ADRA1D: variants seen among roughly 807,000 people sequenced by gnomAD.
ADRA1D encodes the protein adrenoceptor alpha 1D.
Under a neutral mutation model 18.6 loss-of-function variants are expected in ADRA1D, and 22 were observed. The observed-to-expected ratio is 1.19, with a 90% CI of 0.85 to 1.69. The LOEUF is 1.69. Ranked by LOEUF, ADRA1D falls within the 40% of genes most tolerant of loss-of-function variation. The probability of loss-of-function intolerance (pLI) is 0.00; values close to 1 mark genes in which losing one functional copy is unlikely to be tolerated. For synonymous variants in ADRA1D, 376 were observed against 388.2 expected, an observed-to-expected ratio of 0.97 and a Z score of 0.37; for missense variants, 840 against 840.7, an observed-to-expected ratio of 1.00 and a Z score of 0.01.
At position 4,248,305 on chromosome 20, in the gene ADRA1D, G is replaced by A. The variant is rs199658642; in HGVS notation, c.653C>T (p.Ala218Val). ...MTERKAAAIL[A>V]LLWVVALVVS... ...CACCAGGGCTACGACCCAGAGCAGG[G>A]CCAGGATGGCGGCCGCCTTGCGCTC... Residue 218 changes from alanine (A) to valine (V), a missense_variant, in exon 1 of 2, where the codon GCC becomes GTC. Coordinates refer to ENST00000379453, the MANE Select transcript of ADRA1D (RefSeq NM_000678.4). 8.7e-6 allele frequency: 14 copies of A among 1,607,444 alleles called. No homozygotes were observed. The highest frequency in any genetic ancestry group is 5.1e-5 in the Admixed American group (3 of 59,028).
chr20:4,222,050 T>C lies in ADRA1D; in HGVS notation c.1192A>G (p.Asn398Asp). 6.2e-7 allele frequency: 1 copy of C among 1,612,034 alleles called. No homozygotes were observed. Among genetic ancestry groups the C allele is most frequent in the Non-Finnish European group, 8.5e-7 (1 of 1,179,216 alleles). ...FWLGYFNSCV[N>D]PLIYPCSSRE... ...CTGGAACAGGGGTAGATGAGCGGGT[T>C]CACGCAGCTGTTGAAGTAGCCGAGC... The change falls in exon 2 of 2, where the codon AAC becomes GAC. Residue 398 changes from asparagine to aspartate, a missense_variant. Transcript: ENST00000379453. The surrounding 1 kb of genome is among the most constrained non-coding windows in gnomAD (Gnocchi z 4.3).
Position 4,232,921 on chromosome 20 carries a change from A to G in ADRA1D, c.1112-10791T>C, listed in dbSNP as rs550000641. 2.6e-5 allele frequency among the ~76,000 whole-genome samples: 4 copies of G among 152,294 alleles called. No homozygotes were observed. In the South Asian group the frequency reaches 6.2e-4, roughly 24 times the overall value. Reference sequence around the variant, plus strand: ...ATCCCTGTGGGGTCGGGCTAAGGCCAAGCTTTGCCTCAACCACACCCTGGC... The same window carrying G: ...ATCCCTGTGGGGTCGGGCTAAGGCCGAGCTTTGCCTCAACCACACCCTGGC... On this transcript the variant is annotated intron_variant, in intron 1 of 1. Transcript: ENST00000379453.
intron 1 of ADRA1D, among the ~76,000 whole-genome samples, chr20:4,247,526 G>A (rs1379454588): frequency 6.6e-6 from 1 of 152,170 alleles, no homozygotes; most frequent in Non-Finnish European, 1.5e-5. Flanking sequence ...ATACACTGCC[G>A]ACCACATATG....
chr20:4,248,238 G>T lies in ADRA1D; in HGVS notation c.720C>A (p.Pro240=). 1 of 1,604,666 alleles carries T rather than the reference G, an allele frequency of 6.2e-7. No individual in the cohort carries two copies. Among genetic ancestry groups the T allele is most frequent in the East Asian group, 2.2e-5 (1 of 44,478 alleles). Residue 240 remains proline (P), a synonymous_variant, in exon 1 of 2, where the codon CCC becomes CCA. Transcript: ENST00000379453. ...GPLLGWKEPV[P]PDERFCGITE... Reference sequence around the variant, plus strand: ...TGATACCGCAGAAGCGCTCGTCAGGGGGCACGGGCTCCTTCCAGCCCAGCA... The same window carrying T: ...TGATACCGCAGAAGCGCTCGTCAGGTGGCACGGGCTCCTTCCAGCCCAGCA...
intron 1 of ADRA1D, among the ~76,000 whole-genome samples, chr20:4,231,090 T>TCTTTCTTTCTTTCTCTCTCTCTCTCTC (rs1318670027): frequency 1.9e-4 from 13 of 67,734 alleles, no homozygotes; most frequent in South Asian, 1.1e-3. Context: ...CTCTTTTCTT[T>TCTTTCTTTCTTTCTCTCTCTCTCTCTC]TCTTTTCTTT....
intron 1 of ADRA1D, among the ~76,000 whole-genome samples, chr20:4,234,294 G>T (rs376172125): frequency 6.6e-6 from 1 of 152,202 alleles, no homozygotes; most frequent in African/African-American, 2.4e-5. Flanking sequence ...GACAGACGGC[G>T]CTGAAGTCAA....
chr20:4,228,759 C>T (rs1170856766), intron 1 of ADRA1D, among the ~76,000 whole-genome samples: 2 of 152,212 alleles, frequency 1.3e-5, no homozygotes. Context: ...AGGAAGGGAT[C>T]GCTCCTCCTA....
At position 4,221,949 on chromosome 20, in the gene ADRA1D, C is replaced by T. The variant is rs766438380; in HGVS notation, c.1293G>A (p.Trp431Ter). The T allele has an allele frequency of 6.5e-6, 10 of 1,544,416 alleles. No individual in the cohort carries two copies. Among genetic ancestry groups the T allele is most frequent in the East Asian group, 2.5e-5 (1 of 40,572 alleles). Reference protein sequence around the residue: ...CRRRRRRRPLWRVYGHHWRAS... With the variant: ...CRRRRRRRPL Reference sequence around the variant, plus strand: ...CCCGCCAGTGGTGGCCGTAGACACGCCAGAGAGGGCGGCGGCGCCGGCGAC... The same window carrying T: ...CCCGCCAGTGGTGGCCGTAGACACGTCAGAGAGGGCGGCGGCGCCGGCGAC... The change falls in exon 2 of 2, where the codon TGG (tryptophan) becomes TGA (stop). Residue 431 changes from tryptophan (W) to a stop codon, truncating the protein, a stop_gained. Coordinates refer to ENST00000379453, the MANE Select transcript of ADRA1D (RefSeq NM_000678.4). LOFTEE classifies it low-confidence loss of function (END_TRUNC).
intron 1 of ADRA1D, among the ~76,000 whole-genome samples, chr20:4,240,061 C>T (rs1182515308): frequency 6.6e-6 from 1 of 152,186 alleles, no homozygotes; most frequent in East Asian, 1.9e-4. Context: ...TCAATCTTGA[C>T]ACCACAGAAA....
At chr20:4,230,591 C>G (rs1226291632) in intron 1 of ADRA1D, among the ~76,000 whole-genome samples, 2 of 152,246 alleles carry the variant, frequency 1.3e-5, no homozygotes, top group Non-Finnish European at 2.9e-5. Context: ...ACTCTGCACA[C>G]AGCTGCTGGG....
chr20:4,231,825 C>G (rs1261000124), intron 1 of ADRA1D, among the ~76,000 whole-genome samples: 3 of 152,194 alleles, frequency 2.0e-5, no homozygotes, highest in Admixed American at 2.0e-4. Context: ...TCTAGGGGCG[C>G]TGGGTTCAGG....
intron 1 of ADRA1D, among the ~76,000 whole-genome samples, chr20:4,229,394 T>C (rs951956483): frequency 7.1e-6 from 1 of 140,104 alleles, no homozygotes; most frequent in African/African-American, 2.6e-5. Flanking sequence ...AAAGGTATAC[T>C]AAGGAGAAAA....
intron 1 of ADRA1D, among the ~76,000 whole-genome samples, chr20:4,241,133 G>A (rs6076640): frequency 0.18 from 27,064 of 152,020 alleles, 2,522 homozygotes; most frequent in Middle Eastern, 0.29. Flanking sequence ...TATGCTAAGC[G>A]AAATAAGCCA....
chr20:4,242,358 C>T (rs761414973), intron 1 of ADRA1D, among the ~76,000 whole-genome samples: 8 of 152,226 alleles, frequency 5.3e-5, no homozygotes, highest in Non-Finnish European at 1.2e-4. Flanking sequence ...ATAGGCTACA[C>T]GTTTTACGTC....
intron 1 of ADRA1D, among the ~76,000 whole-genome samples, chr20:4,238,063 C>T (rs1442181253): frequency 6.7e-6 from 1 of 148,232 alleles, no homozygotes; most frequent in Non-Finnish European, 1.5e-5. Context: ...GCCTGGCCAA[C>T]ATGGTGAAAC....
At chr20:4,225,094 T>C (rs372329175) in intron 1 of ADRA1D, among the ~76,000 whole-genome samples, 1 of 149,988 alleles carries the variant, frequency 6.7e-6, no homozygotes, top group African/African-American at 2.4e-5. Context: ...CTCTTCCTCC[T>C]GGGTTCAAGC....
intron 1 of ADRA1D, among the ~76,000 whole-genome samples, chr20:4,227,735 C>CTTCCTTCCTTCCTTCCTTCCTTCCTTCA: frequency 7.8e-6 from 1 of 127,470 alleles, no homozygotes; most frequent in South Asian, 2.9e-4. Context: ...TCCTTCCTTC[C>CTTCCTTCCTTCCTTCCTTCCTTCCTTCA]TTCCTTCCTT....
At chr20:4,231,517 C>T (rs1160441190) in intron 1 of ADRA1D, among the ~76,000 whole-genome samples, 1 of 152,144 alleles carries the variant, frequency 6.6e-6, no homozygotes, top group Admixed American at 6.6e-5. Flanking sequence ...GAAGCAGGGA[C>T]TCTGAAATAT....
chr20:4,246,309 G>A (rs1038604810), intron 1 of ADRA1D, among the ~76,000 whole-genome samples: 1 of 152,160 alleles, frequency 6.6e-6, no homozygotes, highest in Non-Finnish European at 1.5e-5. Flanking sequence ...TGAAGGAAGC[G>A]AACCTTGTGC....
Sources: gnomAD v4.1 joint callset for allele counts (sites outside exome capture counted in the v4.1 genomes callset) on GRCh38, gnomAD v4.1.1 for gene constraint, Gnocchi (gnomAD v3.1) non-coding constraint, MANE v1.5 for transcripts, NCBI Gene and HGNC (gene_info 2026-07-23, HGNC 2026-07-21) for gene names.